ZNF329: variants seen among roughly 807,000 people sequenced by gnomAD.
ZNF329 encodes zinc finger protein 329.
In ZNF329, 15 loss-of-function variants were observed where a neutral mutation model predicts 26.6. The observed-to-expected ratio is 0.56, with a 90% confidence interval of 0.38 to 0.87. The LOEUF is 0.87. Ranked by LOEUF, ZNF329 falls within the 40% of genes least tolerant of loss-of-function variation. The pLI is 0.00. For missense variants in ZNF329, 651 were observed against 651.9 expected (o/e 1.00, Z 0.02); for synonymous variants, 239 against 233.5 (o/e 1.02, Z -0.21).
At chr19:58,133,125 A>C (rs1600059553) in intron 3 of ZNF329, among the ~76,000 whole-genome samples, 1 of 152,176 alleles carries the variant, frequency 6.6e-6, no homozygotes, top group African/African-American at 2.4e-5. Flanking sequence ...AGATGGTCTT[A>C]AAGGCCAGCA....
At chr19:58,149,982 G>A (rs2075412627) in intron 1 of ZNF329, among the ~76,000 whole-genome samples, 1 of 152,184 alleles carries the variant, frequency 6.6e-6, no homozygotes, top group Admixed American at 6.5e-5. Flanking sequence ...ATGGCTGAAA[G>A]GATGGACAGA....
intron 3 of ZNF329, among the ~76,000 whole-genome samples, chr19:58,140,473 C>T (rs1479808579): frequency 1.4e-5 from 2 of 145,884 alleles, no homozygotes; most frequent in African/African-American, 5.1e-5. Context: ...TGTGCAGTGG[C>T]GTGATCTCGG....
chr19:58,147,029 G>A (rs988836329), intron 1 of ZNF329, among the ~76,000 whole-genome samples: 2 of 151,958 alleles, frequency 1.3e-5, no homozygotes, highest in African/African-American at 4.8e-5. Flanking sequence ...GGGACGTGAG[G>A]AGCCCCTCTG....
At chr19:58,137,809 C>CAAAAAAAAAAA (rs72295173) in intron 3 of ZNF329, among the ~76,000 whole-genome samples, 199 of 76,250 alleles carry the variant, frequency 2.6e-3, no homozygotes, top group East Asian at 6.1e-3. Context: ...ACAAAAAATA[C>CAAAAAAAAAAA]AAAAAAAAAA....
intron 3 of ZNF329, chr19:58,136,689 A>AT (rs2075075505): frequency 1.1e-5 from 1 of 90,316 alleles, no homozygotes; most frequent in Non-Finnish European, 2.9e-5. Flanking sequence ...GTCTCCAAAA[A>AT]AAAAAAAAAA....
At position 58,128,406 on chromosome 19, in the gene ZNF329, AGT is replaced by A. The variant is rs1568655602; in HGVS notation, c.1096_1097del (p.Thr366TrpfsTer6). 8.1e-6 allele frequency: 13 copies of A among 1,613,880 alleles called. No individual in the cohort carries two copies. Among genetic ancestry groups the A allele is most frequent in the Non-Finnish European group, 9.3e-6 (11 of 1,179,998 alleles). On this transcript the variant is annotated frameshift_variant, in exon 4 of 4. Coordinates refer to ENST00000598312, the MANE Select transcript of ZNF329 (RefSeq NM_024620.4). LOFTEE classifies it high-confidence loss of function. ...CTGCACACTCAAAGGGCTTTTCTCC[AGT>A]GTGAGTCCTCTCATGCTGGGTGAGG... ...SYLTQHERTH[T>X]GEKPFECAEC... is the part of the protein sequence containing the mutation.
At chr19:58,152,692 A>G (rs1224105195), upstream of ZNF329, among the ~76,000 whole-genome samples, 3 of 152,092 alleles carry the variant, frequency 2.0e-5, no homozygotes, top group Non-Finnish European at 2.9e-5. Context: ...ACCTGTCTCT[A>G]CTAAAAATAC....
chr19:58,154,006 A>ATT (rs11351022), upstream of ZNF329, among the ~76,000 whole-genome samples: 1,682 of 145,026 alleles, frequency 0.012, 41 homozygotes, highest in African/African-American at 0.04. Flanking sequence ...AACATATGTG[A>ATT]TTTTTTTTTT....
upstream of ZNF329, among the ~76,000 whole-genome samples, chr19:58,152,674 A>G (rs1029222527): frequency 5.3e-5 from 8 of 152,134 alleles, no homozygotes; most frequent in Non-Finnish European, 1.2e-4. Flanking sequence ...CCTGGCAAAC[A>G]TTGTGAAACC....
At chr19:58,138,414 A>G (rs1777359440) in intron 3 of ZNF329, among the ~76,000 whole-genome samples, 2 of 152,266 alleles carry the variant, frequency 1.3e-5, no homozygotes, top group African/African-American at 4.8e-5. Flanking sequence ...TTTACTTTCA[A>G]GTCCAGGCCA....
upstream of ZNF329, among the ~76,000 whole-genome samples, chr19:58,151,501 T>C (rs2075452353): frequency 6.7e-6 from 1 of 149,660 alleles, no homozygotes; most frequent in Non-Finnish European, 1.5e-5. Context: ...CTCGGGAGGC[T>C]GAGGCAAGAG....
chr19:58,128,788 G>A lies in ZNF329; in HGVS notation c.716C>T (p.Ser239Phe), dbSNP rs745831841. 2.5e-6 allele frequency: 4 copies of A among 1,600,552 alleles called. No individual in the cohort carries two copies. In the East Asian group the frequency reaches 6.7e-5, roughly 27 times the overall value. Residue 239 changes from serine to phenylalanine, a missense_variant, in exon 4 of 4, where the codon TCC becomes TTC. Coordinates refer to ENST00000598312, the MANE Select transcript of ZNF329 (RefSeq NM_024620.4). Reference sequence around the variant, plus strand: ...AATCAGGTTGTAGTTCTTGGAGAAGGACTTTCCACACTCATTACAAGTATA... The same window carrying A: ...AATCAGGTTGTAGTTCTTGGAGAAGAACTTTCCACACTCATTACAAGTATA... ...KPYTCNECGK[S>F]FSKNYNLIVH...
chr19:58,129,512 C>A lies in ZNF329; in HGVS notation c.-8-1G>T, dbSNP rs753582379. On this transcript the variant is annotated splice_acceptor_variant, in intron 3 of 3. Coordinates refer to ENST00000598312, the MANE Select transcript of ZNF329 (RefSeq NM_024620.4). LOFTEE classifies it low-confidence loss of function (5UTR_SPLICE). The stretch of plus-strand genomic sequence containing the variant: ...GTCATTTTCAATCTCATATCCCAAA[C>A]TGCAAAAAGAAGAAAAATGCAGACT... 10 of 1,570,278 alleles carry A rather than the reference C, an allele frequency of 6.4e-6. No homozygotes were observed. The highest frequency in any genetic ancestry group is 1.4e-5 in the African/African-American group (1 of 72,876).
In ZNF329 at chr19:58,128,121, G is replaced by T. The variant is rs769236866; in HGVS notation, c.1383C>A (p.Gly461=). The change falls in exon 4 of 4, where the codon GGC becomes GGA. Residue 461 remains glycine (G), a synonymous_variant. Coordinates refer to ENST00000598312, the MANE Select transcript of ZNF329 (RefSeq NM_024620.4). The stretch of plus-strand genomic sequence containing the variant: ...GACAGGAGCTGTCCCTGAAGGCTTT[G>T]CCACACTGATTACACTCATAGGGCT... ...GEKPYECNQC[G]KAFRDSSCLT... 6.3e-7 allele frequency: 1 copy of T among 1,596,902 alleles called. No homozygotes were observed. Among genetic ancestry groups the T allele is most frequent in the Admixed American group, 1.7e-5 (1 of 58,004 alleles).
In ZNF329 at chr19:58,127,909, G is replaced by T. The variant is rs1256600494; in HGVS notation, c.1595C>A (p.Ala532Glu). Residue 532 changes from alanine to glutamate, a missense_variant, in exon 4 of 4, where the codon GCA becomes GAA. Ala to Glu is a moderately radical substitution (Grantham distance 107). Coordinates refer to ENST00000598312, the MANE Select transcript of ZNF329 (RefSeq NM_024620.4). ...TTCCATGGGTTGCTCTCCCAGGTGT[G>T]CTCTTTGATGTCGAACAAGGGATGA... ...KSSSLVRHQR[A>E]HLGEQPMET is the part of the protein sequence containing the mutation. 7.5e-6 allele frequency: 12 copies of T among 1,605,876 alleles called. No homozygotes were observed. Among genetic ancestry groups the T allele is most frequent in the Non-Finnish European group, 1.0e-5 (12 of 1,175,746 alleles).
chr19:58,137,692 G>T (rs1043268817), intron 3 of ZNF329, among the ~76,000 whole-genome samples: 1 of 151,738 alleles, frequency 6.6e-6, no homozygotes, highest in Non-Finnish European at 1.5e-5. Context: ...GGCCAGACAT[G>T]GTGGCTCATA....
At chr19:58,143,815 TCA>T (rs1437769561) in intron 1 of ZNF329, among the ~76,000 whole-genome samples, 1 of 152,132 alleles carries the variant, frequency 6.6e-6, no homozygotes, top group African/African-American at 2.4e-5. Context: ...GCGCAGTGGC[TCA>T]CACTTATAAT....
At chr19:58,153,799 C>A (rs1466982540), upstream of ZNF329, among the ~76,000 whole-genome samples, 1 of 152,076 alleles carries the variant, frequency 6.6e-6, no homozygotes, top group Non-Finnish European at 1.5e-5. Context: ...GCCTTGACCT[C>A]CTGGGCTCAA....
intron 3 of ZNF329, among the ~76,000 whole-genome samples, chr19:58,130,730 G>A (rs180735323): frequency 2.0e-5 from 3 of 152,048 alleles, no homozygotes; most frequent in Admixed American, 2.0e-4. Flanking sequence ...AAGGCTAGGG[G>A]ATGAAGGGCA....
Sources: allele counts gnomAD v4.1 joint callset (sites outside exome capture counted in the v4.1 genomes callset), GRCh38; gene constraint gnomAD v4.1.1; transcripts MANE v1.5; gene names NCBI Gene and HGNC (gene_info 2026-07-23, HGNC 2026-07-21).